The following SDK1 variants were observed in gnomAD, a reference collection of about 807,000 sequenced individuals.
The protein encoded by SDK1 is sidekick cell adhesion molecule 1, also known as protein sidekick-1.
A neutral mutation model predicts 245.5 loss-of-function variants in SDK1; 157 were observed. That is an observed-to-expected ratio of 0.64 (90% CI 0.56 to 0.73). The LOEUF (loss-of-function observed/expected upper bound fraction) is 0.73. Among genes scored for constraint, SDK1 ranks in the 30% least tolerant of loss-of-function variants. SDK1 has a pLI of 0.00. For missense variants in SDK1, 3,583 were observed against 3,002.3 expected, an observed-to-expected ratio of 1.19 and a Z score of -4.52; for synonymous variants, 1,647 against 1,278.5, an observed-to-expected ratio of 1.29 and a Z score of -6.15.
At chr7:4,107,467 T>C (rs904565127) in intron 22 of SDK1, among the ~76,000 whole-genome samples, 1 of 148,396 alleles carries the variant, frequency 6.7e-6, no homozygotes, top group African/African-American at 2.5e-5. Flanking sequence ...ATGGAAGTCA[T>C]CCCTTTTTCT....
At chr7:3,597,703 C>T (rs1024483099) in intron 1 of SDK1, among the ~76,000 whole-genome samples, 6 of 152,146 alleles carry the variant, frequency 3.9e-5, no homozygotes, top group African/African-American at 1.4e-4. Flanking sequence ...GGGAGAGGGG[C>T]TCAGTGCAGT....
At chr7:3,599,361 C>T (rs1203420536) in intron 1 of SDK1, among the ~76,000 whole-genome samples, 1 of 151,972 alleles carries the variant, frequency 6.6e-6, no homozygotes, top group Non-Finnish European at 1.5e-5. Flanking sequence ...TTTGTATATT[C>T]TAGATGCTAG....
chr7:3,846,266 C>G (rs746776278), intron 5 of SDK1, among the ~76,000 whole-genome samples: 1 of 152,130 alleles, frequency 6.6e-6, no homozygotes, highest in African/African-American at 2.4e-5. Context: ...AGTTAATATA[C>G]TGTTTAAAGG....
At position 4,079,557 on chromosome 7, in the gene SDK1, C is replaced by T; in HGVS notation, c.3297C>T (p.Ser1099=). 6.2e-7 allele frequency: 1 copy of T among 1,614,214 alleles called. No individual in the cohort carries two copies. The highest frequency in any genetic ancestry group is 8.5e-7 in the Non-Finnish European group (1 of 1,180,038). The change falls in exon 22 of 45, where the codon TCC becomes TCT. Residue 1099 remains serine (S), a synonymous_variant. Coordinates refer to ENST00000404826, the MANE Select transcript of SDK1 (RefSeq NM_152744.4). ...GGCCAGGCTATGACGGGAAAACGTC[C>T]ATCTCCAGGTGGATTGTTGAGGGGC... ...QFRPGYDGKT[S]ISRWIVEGQV...
chr7:3,978,137 C>T (rs1406751457), intron 13 of SDK1, among the ~76,000 whole-genome samples: 1 of 151,524 alleles, frequency 6.6e-6, no homozygotes, highest in African/African-American at 2.4e-5. Context: ...CCAGTGAGTT[C>T]CTAGGAGCTG....
At chr7:4,234,197 G>A (rs1156913891) in intron 41 of SDK1, among the ~76,000 whole-genome samples, 1 of 152,172 alleles carries the variant, frequency 6.6e-6, no homozygotes, top group African/African-American at 2.4e-5. Context: ...GAGCAGTATT[G>A]CCGTCCCTGA....
rs868472414 is a variant in SDK1, at chr7:4,052,176, C to A, written c.2911+346C>A. On this transcript the variant is annotated intron_variant, in intron 19 of 44. Coordinates refer to ENST00000404826, the MANE Select transcript of SDK1 (RefSeq NM_152744.4). ...CTCACCTGCTTCCATGATCCCCCCCCCCCCGACGTCCCCCAGCCCATTCTT... is the reference window on the plus strand; with the variant it reads ...CTCACCTGCTTCCATGATCCCCCCCACCCCGACGTCCCCCAGCCCATTCTT... Among the ~76,000 whole-genome samples, 62 of 147,692 alleles carry A rather than the reference C, an allele frequency of 4.2e-4. 1 individual carries two copies. The highest frequency in any genetic ancestry group is 1.0e-3 in the African/African-American group (41 of 40,374).
chr7:4,008,727 A>C (rs1176764090), intron 14 of SDK1, among the ~76,000 whole-genome samples: 1 of 152,100 alleles, frequency 6.6e-6, no homozygotes, highest in African/African-American at 2.4e-5. Flanking sequence ...AAAAAAGGGA[A>C]AGGGCAGCAG....
chr7:4,229,002 G>C (rs985212870), intron 40 of SDK1, among the ~76,000 whole-genome samples: 17 of 152,200 alleles, frequency 1.1e-4, no homozygotes, highest in African/African-American at 3.9e-4. Context: ...CTGTCCTCTC[G>C]AGTGTTGACT....
intron 4 of SDK1, among the ~76,000 whole-genome samples, chr7:3,713,930 A>G (rs1350561284): frequency 6.6e-6 from 1 of 152,230 alleles, no homozygotes; most frequent in Non-Finnish European, 1.5e-5. Flanking sequence ...TGAACATTAT[A>G]TTAATTCATG....
chr7:3,644,808 A>T, intron 4 of SDK1, among the ~76,000 whole-genome samples: 1 of 148,788 alleles, frequency 6.7e-6, no homozygotes, highest in Non-Finnish European at 1.5e-5. Flanking sequence ...AACAACAACA[A>T]CGGCGGGGCA....
At chr7:3,656,908 C>T (rs933671057) in intron 4 of SDK1, among the ~76,000 whole-genome samples, 7 of 152,002 alleles carry the variant, frequency 4.6e-5, no homozygotes, top group South Asian at 2.1e-4. Flanking sequence ...CCACCGCGCC[C>T]GGCTAATTTT....
intron 22 of SDK1, among the ~76,000 whole-genome samples, chr7:4,097,762 G>T (rs994525073): frequency 1.3e-5 from 2 of 152,134 alleles, no homozygotes; most frequent in Admixed American, 1.3e-4. Flanking sequence ...TGGCCCTTTG[G>T]ATAAGTATCT....
At chr7:3,704,923 A>G (rs1444956718) in intron 4 of SDK1, among the ~76,000 whole-genome samples, 2 of 152,184 alleles carry the variant, frequency 1.3e-5, no homozygotes, top group African/African-American at 4.8e-5. Flanking sequence ...CACTTTTCTC[A>G]ATACCATTTA....
intron 22 of SDK1, among the ~76,000 whole-genome samples, chr7:4,098,640 G>C (rs1176753341): frequency 6.6e-6 from 1 of 151,732 alleles, no homozygotes; most frequent in African/African-American, 2.4e-5. Flanking sequence ...GGATGTGAGA[G>C]GGAGGATGGA....
At chr7:4,153,037 A>G (rs1468259720) in intron 30 of SDK1, among the ~76,000 whole-genome samples, 1 of 152,052 alleles carries the variant, frequency 6.6e-6, no homozygotes, top group Non-Finnish European at 1.5e-5. Flanking sequence ...TCACTTTAGG[A>G]CAGAGCAGTG....
chr7:3,700,845 C>T (rs1784718507), intron 4 of SDK1, among the ~76,000 whole-genome samples: 1 of 151,964 alleles, frequency 6.6e-6, no homozygotes, highest in Non-Finnish European at 1.5e-5. Flanking sequence ...ACCTTTTTTC[C>T]CCTTATTTCT....
At chr7:3,649,160 G>T (rs891483383) in intron 4 of SDK1, among the ~76,000 whole-genome samples, 4 of 152,158 alleles carry the variant, frequency 2.6e-5, no homozygotes. Context: ...GACACTTTGG[G>T]GTGAGGGTCG....
At chr7:4,198,007 A>C (rs1445334635) in intron 35 of SDK1, among the ~76,000 whole-genome samples, 1 of 152,226 alleles carries the variant, frequency 6.6e-6, no homozygotes, top group Non-Finnish European at 1.5e-5. Context: ...CAGGACGCAC[A>C]GGCCTGCCCA....
Sources: allele counts gnomAD v4.1 joint callset (sites outside exome capture counted in the v4.1 genomes callset), GRCh38; gene constraint gnomAD v4.1.1; transcripts MANE v1.5; gene names NCBI Gene and HGNC (gene_info 2026-07-23, HGNC 2026-07-21).